The following SUGCT variants were observed in gnomAD, a reference collection of about 807,000 sequenced individuals.
The protein encoded by SUGCT is succinyl-CoA:glutarate-CoA transferase, also known as succinyl-CoA:glutarate CoA-transferase.
A neutral mutation model predicts 55.0 loss-of-function variants in SUGCT; 41 were observed. The observed-to-expected ratio is 0.74, with a 90% CI of 0.58 to 0.97. The LOEUF is 0.97. SUGCT is among the 50% of genes least tolerant of loss of function. The probability of loss-of-function intolerance (pLI) is 0.00; values close to 1 mark genes in which losing one functional copy is unlikely to be tolerated. For synonymous variants in SUGCT, 187 were observed against 200.4 expected (o/e 0.93, Z 0.56); for missense variants, 568 against 547.8 (o/e 1.04, Z -0.37).
At chr7:40,338,351 T>G (rs1445717146) in intron 9 of SUGCT, among the ~76,000 whole-genome samples, 2 of 152,224 alleles carry the variant, frequency 1.3e-5, no homozygotes, top group African/African-American at 4.8e-5. Flanking sequence ...GTTTTCCAAC[T>G]TGGTTCCATT....
chr7:40,861,797 T>C (rs1472098471), downstream of SUGCT, among the ~76,000 whole-genome samples: 1 of 152,218 alleles, frequency 6.6e-6, no homozygotes, highest in African/African-American at 2.4e-5. Flanking sequence ...GTTATTGTCT[T>C]CTCTGCTTTG....
intron 8 of SUGCT, among the ~76,000 whole-genome samples, chr7:40,304,748 A>G (rs1794754997): frequency 1.4e-5 from 1 of 73,050 alleles, no homozygotes; most frequent in South Asian, 5.4e-4. Flanking sequence ...AATAATAATA[A>G]TAATAATAAT....
At chr7:40,595,180 T>C (rs539083696) in intron 12 of SUGCT, among the ~76,000 whole-genome samples, 1 of 152,320 alleles carries the variant, frequency 6.6e-6, no homozygotes, top group African/African-American at 2.4e-5. Flanking sequence ...AAAACTATTG[T>C]CCTCCATATT....
At chr7:40,361,211 G>A (rs948938906) in intron 9 of SUGCT, among the ~76,000 whole-genome samples, 7 of 152,194 alleles carry the variant, frequency 4.6e-5, no homozygotes, top group African/African-American at 1.7e-4. Flanking sequence ...TATGAGTTCA[G>A]TTTCCCAGTC....
chr7:40,562,248 G>A (rs370605852), intron 12 of SUGCT, among the ~76,000 whole-genome samples: 47 of 150,390 alleles, frequency 3.1e-4, no homozygotes, highest in African/African-American at 1.1e-3. Flanking sequence ...GCAGTGAGTC[G>A]AGATCGCGTG....
intron 12 of SUGCT, among the ~76,000 whole-genome samples, chr7:40,652,917 G>A (rs1800848425): frequency 6.6e-6 from 1 of 152,096 alleles, no homozygotes; most frequent in African/African-American, 2.4e-5. Context: ...GTTTTATTCT[G>A]GAGATCTGCC....
intron 13 of SUGCT, among the ~76,000 whole-genome samples, chr7:40,839,968 C>CA (rs139342457): frequency 2.1e-3 from 313 of 145,992 alleles, no homozygotes; most frequent in African/African-American, 7.1e-3. Context: ...AATCTGTTTT[C>CA]AAAAAAAAAA....
chr7:40,432,007 G>T (rs1278180900), intron 9 of SUGCT, among the ~76,000 whole-genome samples: 1 of 152,066 alleles, frequency 6.6e-6, no homozygotes, highest in African/African-American at 2.4e-5. Flanking sequence ...TGATGTGGAT[G>T]TCTTTTATTT....
chr7:40,162,597 C>T (rs911522137), intron 1 of SUGCT, among the ~76,000 whole-genome samples: 2 of 152,232 alleles, frequency 1.3e-5, no homozygotes, highest in Admixed American at 6.5e-5. Flanking sequence ...CCACGTCAGC[C>T]TCCTGAGTAG....
At chr7:40,566,838 A>G (rs1184273853) in intron 12 of SUGCT, among the ~76,000 whole-genome samples, 1 of 152,198 alleles carries the variant, frequency 6.6e-6, no homozygotes, top group East Asian at 1.9e-4. Flanking sequence ...ATTTATATCT[A>G]TAGTTTATTT....
chr7:40,159,993 T>C (rs772796631), intron 1 of SUGCT, among the ~76,000 whole-genome samples: 6 of 152,210 alleles, frequency 3.9e-5, no homozygotes, highest in Admixed American at 6.5e-5. Context: ...ATGCTTGATA[T>C]GGCCTTCCAT....
intron 9 of SUGCT, 98 bp downstream of exon 9, chr7:40,316,953 C>CTTT: frequency 2.7e-5 from 5 of 183,564 alleles, no homozygotes; most frequent in Non-Finnish European, 3.0e-5. Flanking sequence ...AATCCTTCAG[C>CTTT]TGTTTTTTTT....
In SUGCT at chr7:40,203,765, A is replaced by C. The variant is rs1385214974; in HGVS notation, c.484+8705A>C. ...ACTCCAGCCTGGGCATCAGAGTGAG[A>C]CTCCATCTCAGAAAAAAAAAAAGAA... On this transcript the variant is annotated intron_variant, in intron 6 of 13. Transcript: ENST00000335693. Among the ~76,000 whole-genome samples, 8 of 150,416 alleles carry C rather than the reference A, an allele frequency of 5.3e-5. No homozygotes were observed. The Admixed American group carries it at 5.3e-4, about 10-fold the overall frequency.
chr7:40,150,844 G>A (rs1788527807), intron 1 of SUGCT, among the ~76,000 whole-genome samples: 1 of 152,174 alleles, frequency 6.6e-6, no homozygotes, highest in Non-Finnish European at 1.5e-5. Context: ...CAGTGGGCAA[G>A]GTGAAACCCT....
intron 12 of SUGCT, among the ~76,000 whole-genome samples, chr7:40,723,546 C>T (rs1228841890): frequency 6.6e-6 from 1 of 152,178 alleles, no homozygotes; most frequent in African/African-American, 2.4e-5. Flanking sequence ...TCCTTGAAGT[C>T]CCAGTTCTCT....
At chr7:40,248,928 C>A (rs200945142) in intron 7 of SUGCT, among the ~76,000 whole-genome samples, 8,512 of 142,338 alleles carry the variant, frequency 0.06, 301 homozygotes, top group Non-Finnish European at 0.087. Context: ...ACACACACTC[C>A]CTCTCTCTCT....
At chr7:40,366,102 T>A (rs1488607604) in intron 9 of SUGCT, among the ~76,000 whole-genome samples, 1 of 151,984 alleles carries the variant, frequency 6.6e-6, no homozygotes. Context: ...CCCTCAGAAA[T>A]AACGCCACAT....
At chr7:40,995,998 T>G in the SUGCT span, among the ~76,000 whole-genome samples, 16 of 152,208 alleles carry the variant, frequency 1.1e-4, no homozygotes, top group African/African-American at 3.9e-4. Flanking sequence ...CCCCCTGAAT[T>G]GCAAAGTGAC....
intron 8 of SUGCT, among the ~76,000 whole-genome samples, chr7:40,284,616 A>G (rs1261401832): frequency 6.6e-6 from 1 of 151,784 alleles, no homozygotes; most frequent in Non-Finnish European, 1.5e-5. Context: ...TCCAAAAAAA[A>G]AAAAAAAAAA....
Sources: gnomAD v4.1 joint callset for allele counts (sites outside exome capture counted in the v4.1 genomes callset) on GRCh38, gnomAD v4.1.1 for gene constraint, MANE v1.5 for transcripts, NCBI Gene and HGNC (gene_info 2026-07-23, HGNC 2026-07-21) for gene names.